RABL6: variants seen among roughly 807,000 people sequenced by gnomAD.
RABL6 encodes the protein rab-like protein 6.
In RABL6, 28 loss-of-function variants were observed where a neutral mutation model predicts 72.9. The ratio of observed to expected loss-of-function variants is 0.38; its 90% CI spans 0.28 to 0.53. The LOEUF (loss-of-function observed/expected upper bound fraction) is 0.53. Ranked by LOEUF, RABL6 falls within the 20% of genes least tolerant of loss-of-function variation. The pLI is 0.80. For synonymous variants in RABL6, 477 were observed against 421.2 expected (o/e 1.13, Z -1.62); for missense variants, 1,029 against 1,008.4 (o/e 1.02, Z -0.28).
intron 11 of RABL6, 25 bp downstream of exon 11, chr9:136,839,146 G>A (rs763402589): frequency 3.5e-5 from 56 of 1,608,594 alleles, no homozygotes; most frequent in Non-Finnish European, 4.4e-5. Flanking sequence ...CCCCACGGGT[G>A]CGGCCTGGAG....
At chr9:136,838,784 C>T (rs1161460773) in intron 10 of RABL6, 125 bp from the exon 11 acceptor site, 6 of 838,240 alleles carry the variant, frequency 7.2e-6, no homozygotes. Context: ...CAACACAGCA[C>T]CTGGGGTGGG....
chr9:136,835,973 T>G (rs1393282671), intron 8 of RABL6, 128 bp downstream of exon 8: 2 of 892,740 alleles, frequency 2.2e-6, no homozygotes, highest in African/African-American at 1.7e-5. Context: ...TTAGTCACCT[T>G]TGGGCACGGG....
In RABL6 at chr9:136,807,972, A is replaced by G. The variant is rs1847901191; in HGVS notation, c.-225A>G. Reference sequence around the variant, plus strand: ...AAGATGGCGGCGCTGACTCCTGGAGAGCGGTCGCGCCGGAGGCCGCGGGGG... The same window carrying G: ...AAGATGGCGGCGCTGACTCCTGGAGGGCGGTCGCGCCGGAGGCCGCGGGGG... On this transcript the variant is annotated 5_prime_UTR_variant, in exon 1 of 15. Transcript: ENST00000311502. 3.0e-6 allele frequency: 3 copies of G among 1,003,328 alleles called. No individual in the cohort carries two copies. Among genetic ancestry groups the G allele is most frequent in the Non-Finnish European group, 3.6e-6 (3 of 843,722 alleles). The allele number at this position is 1,003,328 out of a possible 1,614,324, so 62.2% of individuals were successfully genotyped here.
At chr9:136,840,010 T>C (rs1848659956) in intron 13 of RABL6, 144 bp from the exon 14 acceptor site, 1 of 1,466,306 alleles carries the variant, frequency 6.8e-7, no homozygotes, top group Non-Finnish European at 9.4e-7. Flanking sequence ...CAGGAGCTGA[T>C]GTTTGCAGTG....
In RABL6 at chr9:136,808,167, G is replaced by C; in HGVS notation, c.-30G>C. 1 of 1,478,906 alleles carries C rather than the reference G, an allele frequency of 6.8e-7. No homozygotes were observed. The highest frequency in any genetic ancestry group is 9.0e-7 in the Non-Finnish European group (1 of 1,112,072). 91.6% of individuals were successfully genotyped at this position (1,478,906 alleles called of 1,614,324 possible). On this transcript the variant is annotated 5_prime_UTR_variant, in exon 1 of 15. Transcript: ENST00000311502. ...CCCGCCGCCGCTGAGCTCGCCGGCC[G>C]CGCCCGGGCTGGGACGTCCGAGCGG... is the stretch of plus-strand genomic sequence containing the variant.
chr9:136,821,449 C>G lies in RABL6; in HGVS notation c.131-2076C>G, dbSNP rs551508748. 3.4e-4 allele frequency: 336 copies of G among 985,390 alleles called. 1 individual carries two copies. Among genetic ancestry groups the G allele is most frequent in the Middle Eastern group, 2.1e-3 (4 of 1,912 alleles). The allele number at this position is 985,390 out of a possible 1,614,324, so 61.0% of individuals were successfully genotyped here. A position where few individuals can be genotyped will look rare whatever the true frequency, so the allele number is the denominator to read the frequency against. ...CAGGGCCGCCGCTCAGGCCGTGGAC[C>G]TCGGGGCCGCGGGACGGACGTGGAT... On this transcript the variant is annotated intron_variant, in intron 1 of 14. Coordinates refer to ENST00000311502, the MANE Select transcript of RABL6 (RefSeq NM_024718.5).
intron 2 of RABL6, among the ~76,000 whole-genome samples, chr9:136,824,530 C>T (rs1477350242): frequency 1.3e-5 from 2 of 151,784 alleles, no homozygotes; most frequent in African/African-American, 2.4e-5. Flanking sequence ...GGGGTTTCAC[C>T]ATCTTGGCCA....
intron 1 of RABL6, among the ~76,000 whole-genome samples, chr9:136,812,469 G>C (rs1046686845): frequency 2.0e-5 from 3 of 152,144 alleles, no homozygotes; most frequent in African/African-American, 4.8e-5. Flanking sequence ...TGAGGCAGGA[G>C]AATCGCTTGA....
chr9:136,813,506 C>T (rs1848056092), intron 1 of RABL6: 3 of 438,708 alleles, frequency 6.8e-6, no homozygotes, highest in South Asian at 2.6e-5. Context: ...CTGTTCCCTG[C>T]GTTTCTTCAG....
At chr9:136,812,059 G>A (rs2131155410) in intron 1 of RABL6, among the ~76,000 whole-genome samples, 1 of 152,316 alleles carries the variant, frequency 6.6e-6, no homozygotes. Context: ...AAAATTATTT[G>A]AAATTATTTG....
At chr9:136,832,564 G>A (rs937659727) in intron 7 of RABL6, 194 bp downstream of exon 7, 3 of 663,488 alleles carry the variant, frequency 4.5e-6, no homozygotes, top group South Asian at 3.3e-5. Flanking sequence ...GGTCCTGAGG[G>A]CTAGACCCAG....
chr9:136,840,423 C>A lies in RABL6; in HGVS notation c.2091C>A (p.Arg697=). ...ERRRRQQRPP[R]SRERTAADEL... is the part of the protein sequence containing the mutation. ...GACGGCGGCAGCAGCGGCCCCCGCG[C>A]AGCAGGGAGAGGACGGCTGCCGATG... The change falls in exon 15 of 15, where the codon CGC becomes CGA. Residue 697 remains arginine (R), a synonymous_variant. Coordinates refer to ENST00000311502, the MANE Select transcript of RABL6 (RefSeq NM_024718.5). 1.3e-6 allele frequency: 2 copies of A among 1,549,842 alleles called. No individual in the cohort carries two copies. Among genetic ancestry groups the A allele is most frequent in the South Asian group, 2.4e-5 (2 of 84,094 alleles).
intron 1 of RABL6, among the ~76,000 whole-genome samples, chr9:136,822,633 CCCCTCCCAGCTG>C (rs1186173794): frequency 1.8e-4 from 27 of 152,334 alleles, no homozygotes; most frequent in African/African-American, 2.4e-5. Context: ...AGTCCGTGCT[CCCCTCCCAGCTG>C]CCCTCCCTCC....
intron 1 of RABL6, among the ~76,000 whole-genome samples, chr9:136,823,083 G>A (rs1206372871): frequency 8.1e-5 from 6 of 74,342 alleles, no homozygotes; most frequent in South Asian, 5.4e-4. Flanking sequence ...GCGAGACTCC[G>A]TCTCAAAAAA....
chr9:136,832,663 G>T, intron 7 of RABL6: 1 of 433,838 alleles, frequency 2.3e-6, no homozygotes, highest in Non-Finnish European at 4.3e-6. Context: ...ATAAGGTCTT[G>T]CTGTGTGGCC....
intron 11 of RABL6, 30 bp from the exon 12 acceptor site, chr9:136,839,192 C>G: frequency 6.3e-7 from 1 of 1,595,030 alleles, no homozygotes; most frequent in South Asian, 1.1e-5. Flanking sequence ...CTCCAGAGGA[C>G]CCTGACTGAC....
intron 1 of RABL6, chr9:136,809,183 T>G (rs984112199): frequency 1.3e-5 from 2 of 154,246 alleles, no homozygotes; most frequent in African/African-American, 4.8e-5. Flanking sequence ...AAGGGGAGCC[T>G]TAGAGCCTCC....
Position 136,834,688 on chromosome 9 carries a change from AG to A in RABL6, c.706-1052del, listed in dbSNP as rs1175090770. Among the ~76,000 whole-genome samples the A allele has an allele frequency of 3.9e-5, 6 of 152,268 alleles. No individual in the cohort carries two copies. The East Asian group carries it at 5.8e-4, about 15-fold the overall frequency. ...GGGACGGGGTTTTGCCATATTGGCC[AG>A]GACGGTCTCGATCTCTTGACCTCGT... On this transcript the variant is annotated intron_variant, in intron 7 of 14. Coordinates refer to ENST00000311502, the MANE Select transcript of RABL6 (RefSeq NM_024718.5).
intron 1 of RABL6, among the ~76,000 whole-genome samples, chr9:136,815,832 T>C (rs1410846970): frequency 6.6e-6 from 1 of 152,226 alleles, no homozygotes; most frequent in Non-Finnish European, 1.5e-5. Context: ...TAAGAAAGGC[T>C]CAGGGCCTCA....
Sources: allele counts gnomAD v4.1 joint callset (sites outside exome capture counted in the v4.1 genomes callset), GRCh38; gene constraint gnomAD v4.1.1; transcripts MANE v1.5; gene names NCBI Gene and HGNC (gene_info 2026-07-23, HGNC 2026-07-21).